The following CACNA2D3 variants were observed in gnomAD, a reference collection of about 807,000 sequenced individuals.
CACNA2D3 encodes voltage-dependent calcium channel subunit alpha-2/delta-3.
A neutral mutation model predicts 160.6 loss-of-function variants in CACNA2D3; 60 were observed. That is an observed-to-expected ratio of 0.37 (90% CI 0.30 to 0.46). CACNA2D3 has a LOEUF of 0.46. Among genes scored for constraint, CACNA2D3 ranks in the 20% least tolerant of loss-of-function variants. CACNA2D3 has a pLI of 1.00. For missense variants in CACNA2D3, 1,205 were observed against 1,365.0 expected (o/e 0.88, Z 1.85); for synonymous variants, 558 against 492.9 (o/e 1.13, Z -1.75).
At chr3:54,541,346 A>G (rs532955086) in intron 5 of CACNA2D3, among the ~76,000 whole-genome samples, 2 of 151,960 alleles carry the variant, frequency 1.3e-5, no homozygotes, top group Non-Finnish European at 2.9e-5. Flanking sequence ...ACAGAGGCAC[A>G]TAGAGAAGAT....
At chr3:54,994,832 T>C (rs570930355) in intron 31 of CACNA2D3, among the ~76,000 whole-genome samples, 2 of 152,304 alleles carry the variant, frequency 1.3e-5, no homozygotes, top group South Asian at 4.1e-4. Flanking sequence ...TCTCTCAGAT[T>C]CCAGAGCATG....
intron 11 of CACNA2D3, among the ~76,000 whole-genome samples, chr3:54,643,216 T>C (rs928365230): frequency 7.9e-5 from 12 of 152,196 alleles, no homozygotes; most frequent in African/African-American, 2.7e-4. Flanking sequence ...AACACACTGG[T>C]AAAAAGAAAC....
At chr3:54,125,119 G>C (rs1400638910) in intron 2 of CACNA2D3, among the ~76,000 whole-genome samples, 2 of 152,114 alleles carry the variant, frequency 1.3e-5, no homozygotes, top group African/African-American at 4.8e-5. Flanking sequence ...GCACGTTGTA[G>C]TTGTAGCAAC....
intron 5 of CACNA2D3, among the ~76,000 whole-genome samples, chr3:54,510,807 C>T (rs1158140450): frequency 1.3e-5 from 2 of 152,152 alleles, no homozygotes; most frequent in African/African-American, 4.8e-5. Flanking sequence ...GGTGCAGCAT[C>T]CAGCAGAACA....
At chr3:54,392,189 C>T (rs527521902) in intron 4 of CACNA2D3, among the ~76,000 whole-genome samples, 1 of 152,252 alleles carries the variant, frequency 6.6e-6, no homozygotes, top group African/African-American at 2.4e-5. Flanking sequence ...CTTTGAATAC[C>T]TAGCCATTGA....
intron 33 of CACNA2D3, 135 bp downstream of exon 33, chr3:55,007,977 C>G: frequency 3.4e-6 from 2 of 596,098 alleles, no homozygotes; most frequent in South Asian, 2.5e-5. Flanking sequence ...CTTCATTGAA[C>G]ATCTCAAAAT....
At chr3:54,872,473 C>G (rs1037250768) in intron 18 of CACNA2D3, among the ~76,000 whole-genome samples, 2 of 152,158 alleles carry the variant, frequency 1.3e-5, no homozygotes, top group Non-Finnish European at 2.9e-5. Flanking sequence ...TTAAGTTCCA[C>G]TGTTGAGTTG....
At chr3:54,473,897 A>G (rs999891919) in intron 4 of CACNA2D3, among the ~76,000 whole-genome samples, 4 of 152,348 alleles carry the variant, frequency 2.6e-5, no homozygotes, top group Middle Eastern at 3.4e-3. Context: ...GTCGGGAAAC[A>G]ACAGATGCTG....
At chr3:54,995,988 G>GTGTGCCTGCCTGACCCCAGACAATGGA in intron 31 of CACNA2D3, among the ~76,000 whole-genome samples, 1 of 152,152 alleles carries the variant, frequency 6.6e-6, no homozygotes, top group Non-Finnish European at 1.5e-5. Flanking sequence ...CCACCTGTCC[G>GTGTGCCTGCCTGACCCCAGACAATGGA]TGTGCCTGCC....
intron 9 of CACNA2D3, among the ~76,000 whole-genome samples, chr3:54,608,518 TA>T (rs1057485360): frequency 4.7e-4 from 72 of 152,330 alleles, no homozygotes; most frequent in African/African-American, 1.6e-3. Context: ...GTAGTATGGC[TA>T]GGTTTTGCAT....
At chr3:54,267,539 G>C (rs1023315457) in intron 2 of CACNA2D3, among the ~76,000 whole-genome samples, 3 of 152,174 alleles carry the variant, frequency 2.0e-5, no homozygotes, top group African/African-American at 7.2e-5. Flanking sequence ...TTTTAAGAGT[G>C]AAAAGTATCC....
chr3:54,454,035 A>G (rs1452727678), intron 4 of CACNA2D3, among the ~76,000 whole-genome samples: 2 of 152,082 alleles, frequency 1.3e-5, no homozygotes, highest in African/African-American at 4.8e-5. Flanking sequence ...ATGTCCTTCT[A>G]ATTTGTTAGG....
intron 27 of CACNA2D3, among the ~76,000 whole-genome samples, chr3:54,908,865 C>T (rs1423775466): frequency 2.6e-5 from 4 of 152,126 alleles, no homozygotes; most frequent in African/African-American, 9.7e-5. Flanking sequence ...GGGGTAGAGA[C>T]CATAGAAACT....
intron 2 of CACNA2D3, among the ~76,000 whole-genome samples, chr3:54,270,744 C>T (rs1263834374): frequency 1.3e-5 from 2 of 152,172 alleles, no homozygotes; most frequent in African/African-American, 4.8e-5. Context: ...TGGCTGATCT[C>T]AGTTCCTTGC....
intron 3 of CACNA2D3, among the ~76,000 whole-genome samples, chr3:54,351,612 C>T (rs1284787126): frequency 2.0e-5 from 3 of 152,148 alleles, no homozygotes; most frequent in Non-Finnish European, 2.9e-5. Flanking sequence ...AGGTGAGAAA[C>T]TCCCTTTCTA....
intron 2 of CACNA2D3, among the ~76,000 whole-genome samples, chr3:54,233,302 A>T (rs1436926465): frequency 6.6e-6 from 1 of 152,188 alleles, no homozygotes; most frequent in Non-Finnish European, 1.5e-5. Context: ...GGAATGAATG[A>T]ATGATAGACA....
At chr3:54,310,704 C>T (rs6769054) in intron 2 of CACNA2D3, among the ~76,000 whole-genome samples, 62,031 of 152,028 alleles carry the variant, frequency 0.41, 13,126 homozygotes, top group Middle Eastern at 0.57. Flanking sequence ...AAAAGAATGA[C>T]GTATTTCAGA....
At chr3:54,345,987 G>A (rs1698451814) in intron 3 of CACNA2D3, among the ~76,000 whole-genome samples, 1 of 152,124 alleles carries the variant, frequency 6.6e-6, no homozygotes, top group Non-Finnish European at 1.5e-5. Flanking sequence ...ATAGGATGCT[G>A]CCCCTGAACC....
chr3:54,301,645 T>A (rs916475610), intron 2 of CACNA2D3, among the ~76,000 whole-genome samples: 1 of 152,180 alleles, frequency 6.6e-6, no homozygotes, highest in Non-Finnish European at 1.5e-5. Flanking sequence ...ATTGAAATAG[T>A]CCATGATTTC....
Sources: gnomAD v4.1 joint callset for allele counts (sites outside exome capture counted in the v4.1 genomes callset) on GRCh38, gnomAD v4.1.1 for gene constraint, MANE v1.5 for transcripts, NCBI Gene and HGNC (gene_info 2026-07-23, HGNC 2026-07-21) for gene names.